EYS: variants seen among roughly 807,000 people sequenced by gnomAD.
EYS encodes the protein protein eyes shut homolog.
EYS carries 250 observed loss-of-function variants against 282.1 expected under a neutral mutation model. The observed-to-expected ratio is 0.89, with a 90% CI of 0.80 to 0.98. The LOEUF (loss-of-function observed/expected upper bound fraction) is 0.98, where lower values mean the gene tolerates loss of function less well. Among genes scored for constraint, EYS ranks in the 50% least tolerant of loss-of-function variants. EYS has a pLI of 0.00. For synonymous variants in EYS, 1,355 were observed against 1,282.9 expected (o/e 1.06, Z -1.20); for missense variants, 4,016 against 3,709.0 (o/e 1.08, Z -2.15).
chr6:64,112,219 T>C (rs560833225), intron 31 of EYS, among the ~76,000 whole-genome samples: 28 of 152,156 alleles, frequency 1.8e-4, no homozygotes, highest in African/African-American at 6.7e-4. Flanking sequence ...TTCTTAGATA[T>C]GGGGATTTTA....
chr6:63,845,725 T>C (rs1772081639), intron 36 of EYS, among the ~76,000 whole-genome samples: 1 of 152,194 alleles, frequency 6.6e-6, no homozygotes, highest in Non-Finnish European at 1.5e-5. Flanking sequence ...AATACACCCA[T>C]AAATTTGTAG....
intron 35 of EYS, among the ~76,000 whole-genome samples, chr6:63,961,430 C>T (rs193077280): frequency 1.1e-3 from 170 of 151,920 alleles, no homozygotes; most frequent in Admixed American, 9.3e-3. Context: ...TTGTGACCCC[C>T]GCCCCTGCCT....
chr6:63,734,944 C>G (rs945270934), intron 41 of EYS, among the ~76,000 whole-genome samples: 2 of 151,972 alleles, frequency 1.3e-5, no homozygotes, highest in African/African-American at 4.8e-5. Flanking sequence ...TTGACCTTCC[C>G]AATATGCATT....
At chr6:65,656,612 T>A (rs184326686) in intron 1 of EYS, among the ~76,000 whole-genome samples, 2 of 151,998 alleles carry the variant, frequency 1.3e-5, no homozygotes, top group African/African-American at 4.8e-5. Context: ...AACTGGGAAG[T>A]CATTACCTCA....
At position 64,945,892 on chromosome 6, in the gene EYS, G is replaced by T. The variant is rs541379887; in HGVS notation, c.2282C>A (p.Ser761Tyr). The T allele has an allele frequency of 6.5e-7, 1 of 1,547,238 alleles. No homozygotes were observed. The highest frequency in any genetic ancestry group is 2.5e-5 in the East Asian group (1 of 40,762). ...TTCACAAAAATTTCCTTCCCAATCA[G>T]ATAGGCACACACACTGGTAGCTCTA... ...LHLSYQCVCL[S>Y]DWEGNFCEQE... The change falls in exon 15 of 43, where the codon TCT (serine) becomes TAT (tyrosine). Residue 761 changes from serine to tyrosine, a missense_variant. Physicochemically the swap from Ser to Tyr is moderately radical, Grantham distance 144. Coordinates refer to ENST00000503581, the MANE Select transcript of EYS (RefSeq NM_001142800.2).
chr6:64,686,016 G>A (rs1675595473), intron 22 of EYS, among the ~76,000 whole-genome samples: 1 of 151,382 alleles, frequency 6.6e-6, no homozygotes, highest in Non-Finnish European at 1.5e-5. Flanking sequence ...AGACATATTT[G>A]GAAATTACAC....
intron 15 of EYS, 48 bp from the exon 16 acceptor site, chr6:64,912,791 T>G (rs1415652050): frequency 8.0e-7 from 1 of 1,250,794 alleles, no homozygotes; most frequent in Admixed American, 3.4e-5. Flanking sequence ...CTTTTTCAAG[T>G]TTATTTTTTG....
At chr6:63,743,932 C>T (rs564310896) in intron 41 of EYS, among the ~76,000 whole-genome samples, 10 of 152,110 alleles carry the variant, frequency 6.6e-5, no homozygotes, top group Non-Finnish European at 1.5e-4. Context: ...TGTCTGGAGC[C>T]ACCAGGTTGC....
At chr6:65,107,854 A>AT (rs1389853324) in intron 12 of EYS, among the ~76,000 whole-genome samples, 4 of 151,954 alleles carry the variant, frequency 2.6e-5, no homozygotes, top group African/African-American at 9.7e-5. Context: ...TACATCCTTG[A>AT]TTTTTTATAG....
chr6:64,434,995 T>C (rs549792630), intron 28 of EYS, among the ~76,000 whole-genome samples: 126 of 152,092 alleles, frequency 8.3e-4, no homozygotes, highest in African/African-American at 2.9e-3. Context: ...TGCACTTGCT[T>C]CCCTACAGAT....
intron 36 of EYS, among the ~76,000 whole-genome samples, chr6:63,808,498 T>C (rs1770962485): frequency 1.3e-5 from 2 of 152,126 alleles, no homozygotes; most frequent in East Asian, 3.8e-4. Flanking sequence ...TGGTCAAGGA[T>C]GAAAATAAGA....
chr6:65,255,200 T>C (rs1395110062), intron 12 of EYS, among the ~76,000 whole-genome samples: 1 of 151,768 alleles, frequency 6.6e-6, no homozygotes, highest in Non-Finnish European at 1.5e-5. Flanking sequence ...TGGAATAGAA[T>C]AGAGAACACA....
At chr6:63,827,200 G>T (rs1281125493) in intron 36 of EYS, among the ~76,000 whole-genome samples, 1 of 152,174 alleles carries the variant, frequency 6.6e-6, no homozygotes, top group Non-Finnish European at 1.5e-5. Context: ...AATGATAAAA[G>T]GCCTTGTCCA....
intron 11 of EYS, among the ~76,000 whole-genome samples, chr6:65,314,146 T>C (rs996055109): frequency 3.9e-5 from 6 of 151,934 alleles, no homozygotes; most frequent in Admixed American, 6.6e-5. Flanking sequence ...TGTGTGTGTG[T>C]ATACATGCTT....
chr6:65,317,817 C>CCAGACAGAGT (rs1769339302), intron 11 of EYS, among the ~76,000 whole-genome samples: 3 of 50,472 alleles, frequency 5.9e-5, no homozygotes, highest in African/African-American at 3.1e-4. Context: ...TTCCTTCCTT[C>CCAGACAGAGT]CTTCCTTCCT....
Position 65,410,677 on chromosome 6 carries a change from T to G in EYS, c.863-5310A>C, listed in dbSNP as rs577462896. 3.3e-5 allele frequency among the ~76,000 whole-genome samples: 5 copies of G among 151,354 alleles called. No individual in the cohort carries two copies. In the South Asian group the frequency reaches 6.3e-4, roughly 19 times the overall value. ...AGTTTTTGTGTTTCTGTGTCTGGCC[T>G]ATTTCAATTAACATGATGTATATCT... On this transcript the variant is annotated intron_variant, in intron 5 of 42. Transcript: ENST00000503581.
Position 65,470,892 on chromosome 6 carries a change from G to T in EYS, c.862+19702C>A, listed in dbSNP as rs1765184412. ...AAAGGTGAAGCTATAAAAAAAGGAT[G>T]GCTTGGGAGGCTGAGGAGGGCAGAT... On this transcript the variant is annotated intron_variant, in intron 5 of 42. Transcript: ENST00000503581. 2.0e-5 allele frequency among the ~76,000 whole-genome samples: 3 copies of T among 151,804 alleles called. No homozygotes were observed. In the South Asian group the frequency reaches 6.2e-4, roughly 31 times the overall value.
At chr6:65,634,173 A>G (rs1034937154) in intron 2 of EYS, among the ~76,000 whole-genome samples, 3 of 152,204 alleles carry the variant, frequency 2.0e-5, no homozygotes, top group Admixed American at 6.5e-5. Context: ...CTTAGTATAC[A>G]TGAAGAGACA....
intron 31 of EYS, among the ~76,000 whole-genome samples, chr6:64,199,290 A>G (rs906371109): frequency 1.3e-5 from 2 of 152,232 alleles, no homozygotes; most frequent in African/African-American, 4.8e-5. Context: ...CACATCTACA[A>G]CAATTTGATT....
Sources: gnomAD v4.1 joint callset for allele counts (sites outside exome capture counted in the v4.1 genomes callset) on GRCh38, gnomAD v4.1.1 for gene constraint, MANE v1.5 for transcripts, NCBI Gene and HGNC (gene_info 2026-07-23, HGNC 2026-07-21) for gene names.